Variants in PCDH15 observed in about 807,000 individuals in gnomAD.
PCDH15 encodes protocadherin related 15.
PCDH15 carries 129 observed loss-of-function variants against 178.5 expected under a neutral mutation model. The observed-to-expected ratio is 0.72, with a 90% CI of 0.63 to 0.84. The LOEUF (loss-of-function observed/expected upper bound fraction) is 0.84. Among genes scored for constraint, PCDH15 ranks in the 40% least tolerant of loss-of-function variants. The pLI, the probability that PCDH15 is intolerant of heterozygous loss-of-function variation, is 0.00. For synonymous variants in PCDH15, 800 were observed against 732.0 expected (o/e 1.09, Z -1.50); for missense variants, 2,230 against 2,099.9 (o/e 1.06, Z -1.21).
Position 54,484,866 on chromosome 10 carries a change from CT to C in PCDH15, c.157+42945del, listed in dbSNP as rs557641683. The stretch of plus-strand genomic sequence containing the variant: ...TTCATAATGAACATGTGTATAGAGC[CT>C]TTTAAAACATCCCATCAAGCACTGC... On this transcript the variant is annotated intron_variant, in intron 3 of 37. Transcript: ENST00000644397. Among the ~76,000 whole-genome samples the C allele has an allele frequency of 1.0e-3, 152 of 151,850 alleles. 1 individual carries two copies. The East Asian group carries it at 0.013, about 13-fold the overall frequency.
At chr10:55,037,187 G>C (rs1457508290) in intron 2 of PCDH15, among the ~76,000 whole-genome samples, 1 of 152,056 alleles carries the variant, frequency 6.6e-6, no homozygotes, top group Non-Finnish European at 1.5e-5. Context: ...TAAAGGATCT[G>C]ATCTTTTCAG....
chr10:54,831,647 A>G (rs1488353278), intron 3 of PCDH15, among the ~76,000 whole-genome samples: 1 of 152,154 alleles, frequency 6.6e-6, no homozygotes, highest in Non-Finnish European at 1.5e-5. Flanking sequence ...CAAAAGCTAA[A>G]TCACACAAGA....
intron 2 of PCDH15, among the ~76,000 whole-genome samples, chr10:55,468,680 G>A (rs1032322768): frequency 2.9e-4 from 44 of 152,094 alleles, no homozygotes; most frequent in African/African-American, 9.2e-4. Flanking sequence ...TTAGTCTTTA[G>A]TGATAACATA....
chr10:55,179,987 G>A (rs866773492), intron 1 of PCDH15, among the ~76,000 whole-genome samples: 5 of 151,976 alleles, frequency 3.3e-5, no homozygotes, highest in Admixed American at 2.6e-4. Context: ...TCTATTCTAA[G>A]GGAGTTTTTA....
intron 14 of PCDH15, among the ~76,000 whole-genome samples, chr10:54,136,354 G>A (rs562163518): frequency 2.6e-5 from 4 of 151,206 alleles, no homozygotes; most frequent in African/African-American, 9.7e-5. Flanking sequence ...GTCACTTAAC[G>A]TCTTCAATAA....
chr10:55,294,157 C>T (rs182620569), intron 1 of PCDH15, among the ~76,000 whole-genome samples: 2 of 152,200 alleles, frequency 1.3e-5, no homozygotes, highest in African/African-American at 2.4e-5. Context: ...GAAACTCCCC[C>T]TTATAAAACC....
chr10:54,477,944 T>C (rs1486729313), intron 3 of PCDH15, among the ~76,000 whole-genome samples: 4 of 152,170 alleles, frequency 2.6e-5, no homozygotes, highest in African/African-American at 4.8e-5. Context: ...CCACCTACTG[T>C]TACGCAATCA....
chr10:54,565,872 G>A (rs546748772), intron 2 of PCDH15, among the ~76,000 whole-genome samples: 9 of 150,844 alleles, frequency 6.0e-5, no homozygotes, highest in African/African-American at 2.2e-4. Context: ...ATCACTTGAG[G>A]TTGGGAGTTT....
intron 2 of PCDH15, among the ~76,000 whole-genome samples, chr10:55,521,181 T>A (rs1055573357): frequency 3.9e-5 from 6 of 152,012 alleles, no homozygotes; most frequent in Non-Finnish European, 5.9e-5. Context: ...GTATTTGTCT[T>A]TCTTTACCTG....
At chr10:55,024,247 ATC>A (rs1840418704) in intron 2 of PCDH15, among the ~76,000 whole-genome samples, 1 of 147,704 alleles carries the variant, frequency 6.8e-6, no homozygotes, top group Non-Finnish European at 1.5e-5. Context: ...TCAGATATGT[ATC>A]TGTGTACACA....
intron 3 of PCDH15, among the ~76,000 whole-genome samples, chr10:54,396,542 C>T (rs754325747): frequency 6.6e-6 from 1 of 152,070 alleles, no homozygotes; most frequent in Admixed American, 6.6e-5. Context: ...GCTGACAGAG[C>T]AAGTGTCTTG....
At chr10:54,061,998 G>C (rs1275345603) in intron 18 of PCDH15, among the ~76,000 whole-genome samples, 1 of 151,890 alleles carries the variant, frequency 6.6e-6, no homozygotes, top group Admixed American at 6.6e-5. Context: ...GCCAAGGCGG[G>C]CAGATCACCT....
Position 54,310,779 on chromosome 10 carries a change from C to A in PCDH15, c.876+6492G>T, listed in dbSNP as rs9416304. On this transcript the variant is annotated intron_variant, in intron 8 of 37. Transcript: ENST00000644397. Reference sequence around the variant, plus strand: ...AAAAAAGAATTACAAAAGAGAGAAGCCTTGGAACTCTTTAAAATTTAATCA... The same window carrying A: ...AAAAAAGAATTACAAAAGAGAGAAGACTTGGAACTCTTTAAAATTTAATCA... Among the ~76,000 whole-genome samples the A allele has an allele frequency of 2.6e-5, 4 of 151,664 alleles. No homozygotes were observed. In the East Asian group the frequency reaches 5.8e-4, roughly 22 times the overall value.
rs369759458 is a variant in PCDH15, at chr10:54,290,901, T to C, written c.876+26370A>G. Among the ~76,000 whole-genome samples the C allele has an allele frequency of 5.3e-5, 8 of 152,252 alleles. No homozygotes were observed. The East Asian group carries it at 1.5e-3, about 29-fold the overall frequency. ...GGAACACCCAGATTCATAAAGCAAG[T>C]CCTTAGAGACCTACAAAGAGACTTA... is the stretch of plus-strand genomic sequence containing the variant. On this transcript the variant is annotated intron_variant, in intron 8 of 37. Transcript: ENST00000644397.
At chr10:55,237,766 A>C (rs552973520) in intron 1 of PCDH15, among the ~76,000 whole-genome samples, 2 of 152,150 alleles carry the variant, frequency 1.3e-5, no homozygotes. Flanking sequence ...AAAAAATAGA[A>C]AACCTTGGTA....
At chr10:55,010,043 A>G (rs1227960340) in intron 2 of PCDH15, among the ~76,000 whole-genome samples, 8 of 152,250 alleles carry the variant, frequency 5.3e-5, no homozygotes, top group Non-Finnish European at 1.0e-4. Flanking sequence ...TAGTATTCTG[A>G]TACAGTTTAC....
At chr10:55,592,980 T>C (rs1295140461) in intron 2 of PCDH15, among the ~76,000 whole-genome samples, 1 of 152,076 alleles carries the variant, frequency 6.6e-6, no homozygotes, top group Non-Finnish European at 1.5e-5. Context: ...TTCTAAAGTG[T>C]ATTCTAAAGA....
chr10:55,241,273 G>T (rs1296499524), intron 1 of PCDH15, among the ~76,000 whole-genome samples: 1 of 151,822 alleles, frequency 6.6e-6, no homozygotes, highest in East Asian at 1.9e-4. Context: ...AACTATCACT[G>T]GTTTAAAATT....
intron 3 of PCDH15, among the ~76,000 whole-genome samples, chr10:54,401,391 A>G (rs564044715): frequency 6.6e-6 from 1 of 152,056 alleles, no homozygotes; most frequent in South Asian, 2.1e-4. Context: ...TAGGTTAAGT[A>G]TATTTTCAAT....
Sources: allele counts gnomAD v4.1 joint callset (sites outside exome capture counted in the v4.1 genomes callset), GRCh38; gene constraint gnomAD v4.1.1; transcripts MANE v1.5; gene names NCBI Gene and HGNC (gene_info 2026-07-23, HGNC 2026-07-21).